The following MGMT variants were observed in gnomAD, a reference collection of about 807,000 sequenced individuals.
MGMT encodes the protein O-6-methylguanine-DNA methyltransferase.
Under a neutral mutation model 15.9 loss-of-function variants are expected in MGMT, and 14 were observed. That is an observed-to-expected ratio of 0.88 (90% CI 0.58 to 1.37). MGMT has a LOEUF of 1.37. MGMT is among the 40% of genes most tolerant of loss of function. MGMT has a pLI of 0.00. For synonymous variants in MGMT, 130 were observed against 118.2 expected (o/e 1.10, Z -0.65); for missense variants, 282 against 268.1 (o/e 1.05, Z -0.36).
intron 2 of MGMT, among the ~76,000 whole-genome samples, chr10:129,703,478 C>T (rs2133137499): frequency 6.6e-6 from 1 of 152,296 alleles, no homozygotes; most frequent in African/African-American, 2.4e-5. Context: ...CCCCCTCTCC[C>T]ACAGTGTACC....
At chr10:129,668,079 A>G (rs1251684192) in intron 2 of MGMT, among the ~76,000 whole-genome samples, 1 of 152,134 alleles carries the variant, frequency 6.6e-6, no homozygotes, top group Non-Finnish European at 1.5e-5. Flanking sequence ...TTTAATGTCA[A>G]GGTAGTTTTT....
In MGMT at chr10:129,575,892, G is replaced by A. The variant is rs906492055; in HGVS notation, c.125+39515G>A. On this transcript the variant is annotated intron_variant, in intron 2 of 4. Coordinates refer to ENST00000651593, the MANE Select transcript of MGMT (RefSeq NM_002412.5). ...CACAGAAATACAAACTACCATCAGAGAATACTATAAACACCTCTATGCAAA... is the reference window on the plus strand; with the variant it reads ...CACAGAAATACAAACTACCATCAGAAAATACTATAAACACCTCTATGCAAA... 2.0e-5 allele frequency among the ~76,000 whole-genome samples: 3 copies of A among 152,088 alleles called. No individual in the cohort carries two copies. In the East Asian group the frequency reaches 5.8e-4, roughly 29 times the overall value.
chr10:129,693,181 C>G (rs60363520), intron 2 of MGMT, among the ~76,000 whole-genome samples: 3 of 152,092 alleles, frequency 2.0e-5, no homozygotes, highest in Non-Finnish European at 4.4e-5. Flanking sequence ...AGAACTGATG[C>G]GAATACAAAC....
At chr10:129,502,513 A>G (rs1489363117) in intron 1 of MGMT, among the ~76,000 whole-genome samples, 1 of 152,162 alleles carries the variant, frequency 6.6e-6, no homozygotes, top group African/African-American at 2.4e-5. Flanking sequence ...AAATGATCAC[A>G]TAATTGTTTT....
intron 2 of MGMT, among the ~76,000 whole-genome samples, chr10:129,589,126 G>C (rs1846651808): frequency 6.6e-6 from 1 of 152,236 alleles, no homozygotes. Context: ...GCCATTTGGA[G>C]CACCAGGGAG....
chr10:129,712,555 C>CT (rs1848244743), intron 3 of MGMT, among the ~76,000 whole-genome samples: 1 of 152,118 alleles, frequency 6.6e-6, no homozygotes, highest in Non-Finnish European at 1.5e-5. Context: ...AAAAGCGCCT[C>CT]TAACAAAAGC....
intron 2 of MGMT, among the ~76,000 whole-genome samples, chr10:129,657,132 G>A (rs1847533259): frequency 6.6e-6 from 1 of 152,074 alleles, no homozygotes; most frequent in African/African-American, 2.4e-5. Flanking sequence ...TTCATTTGGG[G>A]ACAGATACCC....
At chr10:129,552,734 A>G (rs1322275588) in intron 2 of MGMT, among the ~76,000 whole-genome samples, 1 of 152,196 alleles carries the variant, frequency 6.6e-6, no homozygotes, top group Non-Finnish European at 1.5e-5. Flanking sequence ...GGGCAGGGCC[A>G]CGCGGTCCCC....
rs570776075 is a variant in MGMT at position 129,745,676 on chromosome 10, CATT to C, written c.275-13525_275-13523del. 4.8e-4 allele frequency among the ~76,000 whole-genome samples: 73 copies of C among 152,282 alleles called. No homozygotes were observed. The South Asian group carries it at 9.3e-3, about 19-fold the overall frequency. Reference sequence around the variant, plus strand: ...TTCTAATAGATATGTAATGATATCTCATTGTTTTCATTTGCGTTTCCCCGATGG... The same window carrying C: ...TTCTAATAGATATGTAATGATATCTCGTTTTCATTTGCGTTTCCCCGATGG... On this transcript the variant is annotated intron_variant, in intron 3 of 4. Transcript: ENST00000651593.
intron 2 of MGMT, among the ~76,000 whole-genome samples, chr10:129,599,787 T>C (rs770786734): frequency 6.6e-6 from 1 of 152,222 alleles, no homozygotes; most frequent in Non-Finnish European, 1.5e-5. Context: ...CTATACTGTT[T>C]GTCATGAAAA....
intron 2 of MGMT, among the ~76,000 whole-genome samples, chr10:129,655,306 G>A (rs1023678066): frequency 3.9e-5 from 6 of 152,200 alleles, no homozygotes; most frequent in East Asian, 1.9e-4. Context: ...GGCCGCCTCC[G>A]AGCATGCGGA....
chr10:129,597,502 A>G (rs1846765106), intron 2 of MGMT, among the ~76,000 whole-genome samples: 1 of 152,244 alleles, frequency 6.6e-6, no homozygotes, highest in African/African-American at 2.4e-5. Context: ...AAAGACAAGC[A>G]TCATTACCAT....
chr10:129,590,550 G>C (rs1192677379), intron 2 of MGMT, among the ~76,000 whole-genome samples: 1 of 152,228 alleles, frequency 6.6e-6, no homozygotes, highest in Non-Finnish European at 1.5e-5. Flanking sequence ...TGGAATTGCT[G>C]GTCGAGGCAA....
chr10:129,616,193 G>A (rs1424821710), intron 2 of MGMT, among the ~76,000 whole-genome samples: 2 of 152,190 alleles, frequency 1.3e-5, no homozygotes, highest in Admixed American at 1.3e-4. Flanking sequence ...ATTGGAGAAC[G>A]GAGGCTCCCA....
rs1372073721 is a variant in MGMT, at chr10:129,646,712, C to T, written c.126-61183C>T. Among the ~76,000 whole-genome samples, 3 of 85,648 alleles carry T rather than the reference C, an allele frequency of 3.5e-5. No individual in the cohort carries two copies. In the East Asian group the frequency reaches 8.4e-4, roughly 24 times the overall value. 56.2% of individuals were successfully genotyped at this position (85,648 alleles called of 152,430 possible). ...TGTCTCCTTCCAGAAGCCTGCTGCC[C>T]ATCAGAAATATATATATATATATAT... On this transcript the variant is annotated intron_variant, in intron 2 of 4. Transcript: ENST00000651593.
chr10:129,754,697 A>C (rs1426159342), intron 3 of MGMT, among the ~76,000 whole-genome samples: 1 of 152,088 alleles, frequency 6.6e-6, no homozygotes, highest in African/African-American at 2.4e-5. Flanking sequence ...GCTGAGGGCC[A>C]CCCCGTGGTG....
rs1434965248 is a variant in MGMT, at chr10:129,485,857, T to C, written c.-13+18561T>C. ...TGTTACCAGACTGAGATTGCTCAGA[T>C]TACACAAAGCCCTCTGGCCCTGACC... On this transcript the variant is annotated intron_variant, in intron 1 of 4. Transcript: ENST00000651593. Among the ~76,000 whole-genome samples, 3 of 152,196 alleles carry C rather than the reference T, an allele frequency of 2.0e-5. No homozygotes were observed. The East Asian group carries it at 5.8e-4, about 29-fold the overall frequency.
At chr10:129,531,044 T>G in intron 1 of MGMT, among the ~76,000 whole-genome samples, 1 of 152,162 alleles carries the variant, frequency 6.6e-6, no homozygotes, top group East Asian at 1.9e-4. Context: ...TGGGGTGCTG[T>G]CAGGGTTGCA....
intron 2 of MGMT, among the ~76,000 whole-genome samples, chr10:129,579,629 G>A (rs1031568791): frequency 3.3e-5 from 5 of 152,238 alleles, no homozygotes; most frequent in Non-Finnish European, 7.3e-5. Flanking sequence ...CGTGTTTAAA[G>A]GCGACACATG....
Sources: allele counts gnomAD v4.1 joint callset (sites outside exome capture counted in the v4.1 genomes callset), GRCh38; gene constraint gnomAD v4.1.1; transcripts MANE v1.5; gene names NCBI Gene and HGNC (gene_info 2026-07-23, HGNC 2026-07-21).